The following LARGE1 variants were observed in gnomAD, a reference collection of about 807,000 sequenced individuals.
The protein encoded by LARGE1 is LARGE xylosyl- and glucuronyltransferase 1.
Under a neutral mutation model 87.6 loss-of-function variants are expected in LARGE1, and 43 were observed. The observed-to-expected ratio is 0.49, with a 90% CI of 0.38 to 0.63. LARGE1 has a LOEUF of 0.63. Ranked by LOEUF, LARGE1 falls within the 30% of genes least tolerant of loss-of-function variation. The pLI is 0.00. For synonymous variants in LARGE1, 434 were observed against 394.6 expected, an observed-to-expected ratio of 1.10 and a Z score of -1.18; for missense variants, 802 against 1,000.2, an observed-to-expected ratio of 0.80 and a Z score of 2.67.
At chr22:33,383,901 G>A (rs1255723356) in intron 8 of LARGE1, among the ~76,000 whole-genome samples, 1 of 152,194 alleles carries the variant, frequency 6.6e-6, no homozygotes, top group Non-Finnish European at 1.5e-5. Flanking sequence ...AGCTCTATGA[G>A]GGCAAGTGCT....
intron 7 of LARGE1, among the ~76,000 whole-genome samples, chr22:33,409,789 A>G (rs1367414021): frequency 6.7e-6 from 1 of 148,868 alleles, no homozygotes; most frequent in Non-Finnish European, 1.5e-5. Flanking sequence ...TGAACCTGGG[A>G]GGCAGAGGTT....
chr22:33,719,826 T>A (rs1044102288), intron 2 of LARGE1, among the ~76,000 whole-genome samples: 1 of 152,132 alleles, frequency 6.6e-6, no homozygotes. Flanking sequence ...GGCTCATCTA[T>A]ACCATATTTT....
chr22:33,453,145 G>T (rs902654790), intron 6 of LARGE1, among the ~76,000 whole-genome samples: 2 of 152,230 alleles, frequency 1.3e-5, no homozygotes, highest in Non-Finnish European at 2.9e-5. Flanking sequence ...GGCCGGGCGT[G>T]GTGGCTCACG....
At chr22:33,619,809 C>G (rs2079691180) in intron 4 of LARGE1, among the ~76,000 whole-genome samples, 1 of 152,168 alleles carries the variant, frequency 6.6e-6, no homozygotes, top group South Asian at 2.1e-4. Flanking sequence ...CTGGAAAACA[C>G]TTGGAACAGA....
chr22:33,439,749 C>T (rs1416958451), intron 6 of LARGE1, among the ~76,000 whole-genome samples: 1 of 152,152 alleles, frequency 6.6e-6, no homozygotes, highest in South Asian at 2.1e-4. Context: ...GGCTGTTCCA[C>T]AATGACTTTC....
intron 11 of LARGE1, among the ~76,000 whole-genome samples, chr22:33,225,527 A>G (rs1925687505): frequency 1.3e-5 from 2 of 151,950 alleles, no homozygotes; most frequent in African/African-American, 4.8e-5. Flanking sequence ...TTTTCCAGGC[A>G]TTTCTCTTTT....
chr22:33,845,046 C>G (rs1469425223), intron 1 of LARGE1, among the ~76,000 whole-genome samples: 1 of 151,902 alleles, frequency 6.6e-6, no homozygotes, highest in African/African-American at 2.4e-5. Context: ...AAATAACAAG[C>G]CCCCTTTTTG....
At chr22:33,863,639 A>G (rs1731316686) in intron 1 of LARGE1, among the ~76,000 whole-genome samples, 1 of 151,828 alleles carries the variant, frequency 6.6e-6, no homozygotes, top group Non-Finnish European at 1.5e-5. Context: ...GTGGTGACGC[A>G]TGCCTATAAT....
At chr22:33,714,544 C>T (rs1041516094) in intron 2 of LARGE1, among the ~76,000 whole-genome samples, 4 of 152,088 alleles carry the variant, frequency 2.6e-5, no homozygotes, top group Non-Finnish European at 5.9e-5. Context: ...ATATAAATGC[C>T]AAATTAAGAA....
At chr22:33,652,101 T>C (rs1379228870) in intron 2 of LARGE1, among the ~76,000 whole-genome samples, 3 of 152,054 alleles carry the variant, frequency 2.0e-5, no homozygotes, top group African/African-American at 4.8e-5. Flanking sequence ...GCTTGAACCC[T>C]GGAGGCAGGG....
At chr22:33,424,227 G>T (rs2066794563) in intron 7 of LARGE1, among the ~76,000 whole-genome samples, 1 of 152,226 alleles carries the variant, frequency 6.6e-6, no homozygotes, top group Middle Eastern at 3.2e-3. Context: ...ATTCAGAACA[G>T]TGAGCGGAAG....
chr22:33,103,846 C>G, the LARGE1 span, among the ~76,000 whole-genome samples: 3 of 152,136 alleles, frequency 2.0e-5, no homozygotes, highest in Non-Finnish European at 2.9e-5. Context: ...TTCCCTTATA[C>G]TGTTCTCGTG....
At chr22:33,640,519 C>T (rs2080395766) in intron 3 of LARGE1, among the ~76,000 whole-genome samples, 2 of 152,206 alleles carry the variant, frequency 1.3e-5, no homozygotes, top group Non-Finnish European at 2.9e-5. Flanking sequence ...TTCAGGCAGA[C>T]ACCCAGCTAG....
chr22:33,276,821 T>G (rs1929398355), intron 14 of LARGE1, among the ~76,000 whole-genome samples: 1 of 152,184 alleles, frequency 6.6e-6, no homozygotes, highest in African/African-American at 2.4e-5. Context: ...ATGAAATGGT[T>G]TGTCACAGGA....
At chr22:33,832,809 T>C (rs866459954) in intron 1 of LARGE1, among the ~76,000 whole-genome samples, 5 of 152,078 alleles carry the variant, frequency 3.3e-5, no homozygotes, top group Non-Finnish European at 5.9e-5. Flanking sequence ...TGCAGTTAAC[T>C]GGAACTCTGG....
intron 13 of LARGE1, among the ~76,000 whole-genome samples, chr22:33,281,481 C>T (rs79838090): frequency 0.038 from 5,782 of 152,182 alleles, 352 homozygotes; most frequent in African/African-American, 0.13. Context: ...AATCCAGGCT[C>T]TGCTATTTAC....
chr22:33,491,982 A>G (rs1183364990), intron 6 of LARGE1, among the ~76,000 whole-genome samples: 1 of 152,230 alleles, frequency 6.6e-6, no homozygotes, highest in Non-Finnish European at 1.5e-5. Context: ...TGGTAAGAAG[A>G]GTTTCATGGA....
chr22:33,457,354 G>A (rs1378216211), intron 6 of LARGE1, among the ~76,000 whole-genome samples: 4 of 124,702 alleles, frequency 3.2e-5, no homozygotes, highest in East Asian at 4.8e-4. Flanking sequence ...GTTACACCAT[G>A]TTGGCCAGGC....
At chr22:33,781,536 G>A (rs556831239) in intron 1 of LARGE1, among the ~76,000 whole-genome samples, 22 of 152,264 alleles carry the variant, frequency 1.4e-4, no homozygotes, top group African/African-American at 4.8e-4. Flanking sequence ...CCAGAAACTA[G>A]TGAAAGCAAA....
Sources: gnomAD v4.1 joint callset for allele counts (sites outside exome capture counted in the v4.1 genomes callset) on GRCh38, gnomAD v4.1.1 for gene constraint, MANE v1.5 for transcripts, NCBI Gene and HGNC (gene_info 2026-07-23, HGNC 2026-07-21) for gene names.